The following MGAT4C variants were observed in gnomAD, a reference collection of about 807,000 sequenced individuals.
MGAT4C encodes the protein MGAT4 family member C.
A neutral mutation model predicts 40.1 loss-of-function variants in MGAT4C; 19 were observed. That is an observed-to-expected ratio of 0.47 (90% CI 0.33 to 0.70). MGAT4C has a LOEUF of 0.70. MGAT4C is among the 30% of genes least tolerant of loss of function. MGAT4C has a pLI of 0.02. For synonymous variants in MGAT4C, 181 were observed against 187.1 expected (o/e 0.97, Z 0.27); for missense variants, 491 against 563.2 (o/e 0.87, Z 1.30).
chr12:86,177,387 A>G (rs1209425899), intron 1 of MGAT4C, among the ~76,000 whole-genome samples: 14 of 152,016 alleles, frequency 9.2e-5, no homozygotes, highest in Non-Finnish European at 2.1e-4. Flanking sequence ...AAAACATTTA[A>G]TAGAATAACA....
rs1259999195 is a variant in MGAT4C at position 85,973,767 on chromosome 12, C to G, written c.*5522G>C. On this transcript the variant is annotated 3_prime_UTR_variant, in exon 5 of 5. Coordinates refer to ENST00000611864, the MANE Select transcript of MGAT4C (RefSeq NM_001351288.2). ...TAAATCTTCTAAGAGACCGTCTAGA[C>G]AGAGTGAAATGAAAGCTGAAACAAC... is the stretch of plus-strand genomic sequence containing the variant. The G allele has an allele frequency of 1.3e-5, 2 of 150,814 alleles. No homozygotes were observed. Among genetic ancestry groups the G allele is most frequent in the African/African-American group, 2.4e-5 (1 of 41,312 alleles). The allele number at this position is 150,814 out of a possible 1,614,324, so 9.3% of individuals were successfully genotyped here.
At chr12:86,681,259 GA>G (rs1949976104) in intron 2 of MGAT4C, among the ~76,000 whole-genome samples, 1 of 151,872 alleles carries the variant, frequency 6.6e-6, no homozygotes, top group African/African-American at 2.4e-5. Context: ...ATTTGCTGAT[GA>G]GGTGATTTTT....
chr12:86,628,856 A>G (rs1962916666), intron 2 of MGAT4C, among the ~76,000 whole-genome samples: 1 of 152,196 alleles, frequency 6.6e-6, no homozygotes, highest in Non-Finnish European at 1.5e-5. Context: ...CAAAATAACC[A>G]GCTAACATCA....
chr12:86,134,631 G>A (rs1881697803), intron 1 of MGAT4C, among the ~76,000 whole-genome samples: 1 of 152,054 alleles, frequency 6.6e-6, no homozygotes, highest in Non-Finnish European at 1.5e-5. Context: ...TTGTCATGTA[G>A]TTACAGCTTG....
At chr12:86,395,630 T>C (rs1160810940) in intron 3 of MGAT4C, among the ~76,000 whole-genome samples, 5 of 152,232 alleles carry the variant, frequency 3.3e-5, no homozygotes, top group African/African-American at 9.6e-5. Flanking sequence ...TGTGTGGTAC[T>C]GAGCTTTTGT....
chr12:86,682,263 T>C (rs1949996865), intron 2 of MGAT4C, among the ~76,000 whole-genome samples: 1 of 152,050 alleles, frequency 6.6e-6, no homozygotes. Flanking sequence ...TTAAATAGTA[T>C]AAAATTTAAT....
chr12:86,356,606 C>T (rs1055973004), intron 3 of MGAT4C, among the ~76,000 whole-genome samples: 2 of 152,220 alleles, frequency 1.3e-5, no homozygotes, highest in African/African-American at 2.4e-5. Flanking sequence ...CCTGGAAAAT[C>T]GGATCACTCC....
rs1206935795 is a variant in MGAT4C at position 86,116,219 on chromosome 12, T to A, written c.-56-66496A>T. On this transcript the variant is annotated intron_variant, in intron 1 of 4. Coordinates refer to ENST00000611864, the MANE Select transcript of MGAT4C (RefSeq NM_001351288.2). ...AGCCAGCATTTCACTTTCTTCTCGA[T>A]GGGAAGCAAGCATAGGGGTAGAAGT... 4.0e-5 allele frequency among the ~76,000 whole-genome samples: 6 copies of A among 151,866 alleles called. 1 individual carries two copies. Among genetic ancestry groups the A allele is most frequent in the African/African-American group, 1.5e-4 (6 of 41,364 alleles).
intron 2 of MGAT4C, among the ~76,000 whole-genome samples, chr12:86,562,083 A>G (rs1959891712): frequency 6.6e-6 from 1 of 152,144 alleles, no homozygotes; most frequent in Admixed American, 6.6e-5. Flanking sequence ...CAACGAATAT[A>G]ATGACATTGG....
intron 2 of MGAT4C, among the ~76,000 whole-genome samples, chr12:86,010,886 G>A (rs2136818497): frequency 6.6e-6 from 1 of 152,224 alleles, no homozygotes; most frequent in East Asian, 1.9e-4. Context: ...ACAAGAGTGG[G>A]TCTGTTATAA....
chr12:86,215,656 G>A (rs930580384), intron 1 of MGAT4C, among the ~76,000 whole-genome samples: 2 of 152,038 alleles, frequency 1.3e-5, no homozygotes, highest in African/African-American at 2.4e-5. Context: ...GCTGTGGGGA[G>A]CTCTCTGAAC....
chr12:86,430,938 G>C (rs1352184876), intron 3 of MGAT4C, among the ~76,000 whole-genome samples: 1 of 152,198 alleles, frequency 6.6e-6, no homozygotes, highest in Non-Finnish European at 1.5e-5. Flanking sequence ...GAAGTGGGAA[G>C]TTCCTTGCCT....
intron 2 of MGAT4C, among the ~76,000 whole-genome samples, chr12:86,697,077 T>C (rs1229654864): frequency 1.3e-5 from 2 of 152,170 alleles, no homozygotes; most frequent in East Asian, 3.8e-4. Context: ...CTATATCTGA[T>C]AAGGAATATT....
chr12:86,617,610 C>T (rs1181409534), intron 2 of MGAT4C, among the ~76,000 whole-genome samples: 2 of 151,986 alleles, frequency 1.3e-5, no homozygotes, highest in African/African-American at 2.4e-5. Flanking sequence ...ATGGCATGAA[C>T]CCGGGAGGCG....
intron 1 of MGAT4C, among the ~76,000 whole-genome samples, chr12:86,073,578 G>T (rs189413005): frequency 6.6e-6 from 1 of 152,080 alleles, no homozygotes; most frequent in Non-Finnish European, 1.5e-5. Context: ...TCAGGTTGAG[G>T]TAGTCTCAGA....
intron 1 of MGAT4C, among the ~76,000 whole-genome samples, chr12:86,051,147 C>T (rs10863154): frequency 0.86 from 130,645 of 151,950 alleles, 56,537 homozygotes; most frequent in East Asian, 1. Context: ...GAGGTGATCA[C>T]CAGATGATCA....
At chr12:86,150,895 A>G (rs745538148) in intron 1 of MGAT4C, among the ~76,000 whole-genome samples, 4 of 152,204 alleles carry the variant, frequency 2.6e-5, no homozygotes, top group South Asian at 4.1e-4. Flanking sequence ...ATGTGTAACA[A>G]TGCATGATAA....
intron 2 of MGAT4C, among the ~76,000 whole-genome samples, chr12:86,556,411 T>G (rs2136402756): frequency 6.6e-6 from 1 of 152,284 alleles, no homozygotes; most frequent in East Asian, 1.9e-4. Flanking sequence ...TAACAGGTGA[T>G]TTTACCTGTT....
At chr12:86,500,867 C>T (rs1038583222) in intron 2 of MGAT4C, among the ~76,000 whole-genome samples, 7 of 151,978 alleles carry the variant, frequency 4.6e-5, no homozygotes, top group African/African-American at 1.7e-4. Flanking sequence ...ATAAAAATAT[C>T]ACAATCGAAT....
Sources: allele counts gnomAD v4.1 joint callset (sites outside exome capture counted in the v4.1 genomes callset), GRCh38; gene constraint gnomAD v4.1.1; transcripts MANE v1.5; gene names NCBI Gene and HGNC (gene_info 2026-07-23, HGNC 2026-07-21).